CYSLTR2: variants seen among roughly 807,000 people sequenced by gnomAD.
CYSLTR2 encodes the protein G-protein coupled receptor GPCR21.
For missense variants in CYSLTR2, 398 were observed against 411.9 expected, an observed-to-expected ratio of 0.97 and a Z score of 0.29; for synonymous variants, 179 against 160.8, an observed-to-expected ratio of 1.11 and a Z score of -0.86.
At chr13:48,690,097 A>G (rs911318267) in intron 1 of CYSLTR2, among the ~76,000 whole-genome samples, 2 of 152,154 alleles carry the variant, frequency 1.3e-5, no homozygotes, top group Admixed American at 6.5e-5. Flanking sequence ...ATTTTTGCAC[A>G]TTGATTTTGT....
intron 1 of CYSLTR2, among the ~76,000 whole-genome samples, chr13:48,671,453 C>T (rs1953428272): frequency 6.6e-6 from 1 of 152,196 alleles, no homozygotes; most frequent in African/African-American, 2.4e-5. Context: ...TATGTTCCTT[C>T]AACATCTAGT....
At chr13:48,690,098 T>C (rs1439826141) in intron 1 of CYSLTR2, among the ~76,000 whole-genome samples, 1 of 152,212 alleles carries the variant, frequency 6.6e-6, no homozygotes, top group African/African-American at 2.4e-5. Flanking sequence ...TTTTTGCACA[T>C]TGATTTTGTA....
intron 1 of CYSLTR2, among the ~76,000 whole-genome samples, chr13:48,677,084 G>A (rs1404398036): frequency 6.6e-6 from 1 of 152,152 alleles, no homozygotes; most frequent in Non-Finnish European, 1.5e-5. Flanking sequence ...TCAGAAGGGT[G>A]AGCAGTCAGG....
rs766351248 is a variant in CYSLTR2, at chr13:48,654,748, G to A, written c.-266+731G>A. 3.9e-5 allele frequency among the ~76,000 whole-genome samples: 6 copies of A among 152,150 alleles called. No individual in the cohort carries two copies. In the East Asian group the frequency reaches 9.6e-4, roughly 24 times the overall value. On this transcript the variant is annotated intron_variant, in intron 1 of 4. Coordinates refer to ENST00000682523, the MANE Select transcript of CYSLTR2 (RefSeq NM_001308476.3). ...GCTGCACATCTGGCCAGAATCACCC[G>A]ACTCTGAGGAGATTAGAAAATTACC... is the stretch of plus-strand genomic sequence containing the variant.
Position 48,707,396 on chromosome 13 carries a change from T to G in CYSLTR2, c.579T>G (p.Tyr193Ter). The change falls in exon 5 of 5, where the codon TAT (tyrosine) becomes TAG (stop). Residue 193 changes from tyrosine to a stop codon, truncating the protein, a stop_gained. Transcript: ENST00000682523. LOFTEE classifies it low-confidence loss of function (END_TRUNC). ...CATCATGCTTAGAGCTGAATCTCTA[T>G]AAAATTGCTAAGCTGCAGACCATGA... Reference protein sequence around the residue: ...SVTSCLELNLYKIAKLQTMNY... With the variant: ...SVTSCLELNL 1.9e-6 allele frequency: 3 copies of G among 1,614,140 alleles called. No homozygotes were observed. The highest frequency in any genetic ancestry group is 2.5e-6 in the Non-Finnish European group (3 of 1,180,024).
chr13:48,705,628 T>C (rs1440046091), intron 4 of CYSLTR2, among the ~76,000 whole-genome samples: 5 of 148,368 alleles, frequency 3.4e-5, no homozygotes, highest in Non-Finnish European at 7.5e-5. Flanking sequence ...TATAAAGATA[T>C]ACATATATAT....
At chr13:48,662,266 A>G (rs1953149460) in intron 1 of CYSLTR2, among the ~76,000 whole-genome samples, 1 of 152,222 alleles carries the variant, frequency 6.6e-6, no homozygotes, top group Admixed American at 6.5e-5. Context: ...GTTGTTGAAC[A>G]CTTAGGTTGA....
chr13:48,693,206 CA>C (rs966732363), intron 2 of CYSLTR2, among the ~76,000 whole-genome samples: 3 of 150,872 alleles, frequency 2.0e-5, no homozygotes, highest in Admixed American at 6.6e-5. Flanking sequence ...TTCAGTTTAA[CA>C]AAAAAAAATT....
chr13:48,699,007 C>A (rs533323386), intron 4 of CYSLTR2, among the ~76,000 whole-genome samples: 137 of 152,288 alleles, frequency 9.0e-4, no homozygotes, highest in African/African-American at 3.2e-3. Context: ...TACAGGAGCA[C>A]CCAGATTCAT....
At chr13:48,700,326 C>A (rs1441945327) in intron 4 of CYSLTR2, among the ~76,000 whole-genome samples, 1 of 151,882 alleles carries the variant, frequency 6.6e-6, no homozygotes, top group Admixed American at 6.6e-5. Context: ...CCACCACGAT[C>A]AAGTTGGCTT....
At chr13:48,675,249 C>T in intron 1 of CYSLTR2, among the ~76,000 whole-genome samples, 1 of 152,218 alleles carries the variant, frequency 6.6e-6, no homozygotes. Flanking sequence ...ACAGCCACCC[C>T]TTCCCCCAGG....
intron 1 of CYSLTR2, among the ~76,000 whole-genome samples, chr13:48,677,267 G>A (rs183641837): frequency 1.2e-3 from 185 of 152,282 alleles, no homozygotes; most frequent in African/African-American, 4.1e-3. Flanking sequence ...AAATTCTAAG[G>A]AGGGTCTCCT....
At chr13:48,694,302 A>G (rs1206212007) in intron 3 of CYSLTR2, among the ~76,000 whole-genome samples, 1 of 152,222 alleles carries the variant, frequency 6.6e-6, no homozygotes, top group Admixed American at 6.5e-5. Flanking sequence ...TCAGTCCTGA[A>G]TTCTCAGTCC....
At chr13:48,700,456 A>G (rs1459340413) in intron 4 of CYSLTR2, among the ~76,000 whole-genome samples, 1 of 152,254 alleles carries the variant, frequency 6.6e-6, no homozygotes, top group Non-Finnish European at 1.5e-5. Flanking sequence ...AAGGCCTTCA[A>G]CAAAATTCAA....
intron 1 of CYSLTR2, among the ~76,000 whole-genome samples, chr13:48,665,261 A>G (rs1593939151): frequency 6.6e-6 from 1 of 152,182 alleles, no homozygotes; most frequent in African/African-American, 2.4e-5. Flanking sequence ...AATGTTTCAC[A>G]CGCTGATGAA....
At chr13:48,705,445 A>AT (rs899682943) in intron 4 of CYSLTR2, among the ~76,000 whole-genome samples, 2 of 149,268 alleles carry the variant, frequency 1.3e-5, no homozygotes, top group African/African-American at 2.5e-5. Context: ...CTGCCATTTT[A>AT]TTTTTTTTCT....
intron 1 of CYSLTR2, among the ~76,000 whole-genome samples, chr13:48,662,055 T>C (rs1566080392): frequency 6.6e-6 from 1 of 152,214 alleles, no homozygotes; most frequent in Non-Finnish European, 1.5e-5. Flanking sequence ...TTCTATGAGA[T>C]CAACTTTTTT....
intron 1 of CYSLTR2, among the ~76,000 whole-genome samples, chr13:48,664,816 A>G (rs1953219787): frequency 6.6e-6 from 1 of 151,042 alleles, no homozygotes; most frequent in Non-Finnish European, 1.5e-5. Flanking sequence ...TCAATTTTAT[A>G]TTTCTATTCT....
At chr13:48,706,238 T>C (rs4608235) in intron 4 of CYSLTR2, among the ~76,000 whole-genome samples, 93,343 of 151,990 alleles carry the variant, frequency 0.61, 30,653 homozygotes, top group African/African-American at 0.87. Context: ...TCAGGTGATC[T>C]GCCAGCCTCA....
Sources: allele counts gnomAD v4.1 joint callset (sites outside exome capture counted in the v4.1 genomes callset), GRCh38; gene constraint gnomAD v4.1.1; transcripts MANE v1.5; gene names NCBI Gene and HGNC (gene_info 2026-07-23, HGNC 2026-07-21).